The following RAD18 variants were observed in gnomAD, a reference collection of about 807,000 sequenced individuals.
RAD18 encodes E3 ubiquitin-protein ligase RAD18.
In RAD18, 47 loss-of-function variants were observed where a neutral mutation model predicts 60.4. The ratio of observed to expected loss-of-function variants is 0.78; its 90% CI spans 0.62 to 0.99. The LOEUF (loss-of-function observed/expected upper bound fraction) is 0.99, where lower values mean the gene tolerates loss of function less well. Ranked by LOEUF, RAD18 falls within the 50% of genes least tolerant of loss-of-function variation. The pLI, the probability that RAD18 is intolerant of heterozygous loss-of-function variation, is 0.00. For missense variants in RAD18, 640 were observed against 593.3 expected (o/e 1.08, Z -0.82); for synonymous variants, 225 against 195.5 (o/e 1.15, Z -1.26).
chr3:8,957,364 T>C (rs888219746), intron 2 of RAD18, among the ~76,000 whole-genome samples: 3 of 151,592 alleles, frequency 2.0e-5, no homozygotes, highest in Non-Finnish European at 4.4e-5. Context: ...GCAACGATCC[T>C]AAAAAAAACG....
chr3:8,947,096 C>T, intron 4 of RAD18, 124 bp downstream of exon 4: 1 of 731,340 alleles, frequency 1.4e-6, no homozygotes, highest in Non-Finnish European at 2.3e-6. Flanking sequence ...ATGACTGTTA[C>T]TTCCCTTCTT....
At position 8,959,016 on chromosome 3, in the gene RAD18, T is replaced by G. The variant is rs780154881; in HGVS notation, c.52-15A>C. On this transcript the variant is annotated splice_polypyrimidine_tract_variant and intron_variant, in intron 1 of 12. Transcript: ENST00000264926. ...TCATCTATTGTCTGAAATGCAAATA[T>G]GCATATATACATATCAGAAAGACAT... 1 of 1,605,912 alleles carries G rather than the reference T, an allele frequency of 6.2e-7. No individual in the cohort carries two copies. The highest frequency in any genetic ancestry group is 1.7e-5 in the Admixed American group (1 of 59,974).
chr3:8,949,879 G>A (rs1006433190), intron 2 of RAD18, among the ~76,000 whole-genome samples: 1 of 152,194 alleles, frequency 6.6e-6, no homozygotes, highest in African/African-American at 2.4e-5. Context: ...GCATGGAGAG[G>A]ATGTCCTCAC....
At chr3:8,943,431 T>C (rs992190030) in intron 4 of RAD18, among the ~76,000 whole-genome samples, 2 of 151,744 alleles carry the variant, frequency 1.3e-5, no homozygotes, top group African/African-American at 2.4e-5. Context: ...CAAAATACCA[T>C]ATCTAAATTG....
In RAD18 at chr3:8,950,097, C is replaced by A. The variant is rs192402603; in HGVS notation, c.134-1527G>T. 3.1e-3 allele frequency among the ~76,000 whole-genome samples: 469 copies of A among 152,244 alleles called. 5 individuals are homozygous for A. The highest frequency in any genetic ancestry group is 0.011 in the African/African-American group (459 of 41,534). ...CCAGGCTGGAGTACAGTGGCGCAAT[C>A]TCGGCTCAATGCAACCTCCGCCTCC... On this transcript the variant is annotated intron_variant, in intron 2 of 12. Transcript: ENST00000264926.
chr3:8,910,549 A>G (rs897782804), intron 9 of RAD18, among the ~76,000 whole-genome samples: 1 of 151,986 alleles, frequency 6.6e-6, no homozygotes, highest in Non-Finnish European at 1.5e-5. Flanking sequence ...CAGAGCTTGC[A>G]GTGAGCCAAG....
chr3:8,941,105 AGAACAGTGAGGAGGCATTCAAGT>A (rs1221539867), intron 5 of RAD18, among the ~76,000 whole-genome samples: 2 of 152,208 alleles, frequency 1.3e-5, no homozygotes, highest in African/African-American at 4.8e-5. Context: ...TATGGCAGGC[AGAACAGTGAGGAGGCATTCAAGT>A]GGTGGTAAAA....
intron 10 of RAD18, among the ~76,000 whole-genome samples, 182 bp downstream of exon 10, chr3:8,902,198 A>G (rs1421402537): frequency 6.6e-6 from 1 of 152,250 alleles, no homozygotes; most frequent in African/African-American, 2.4e-5. Context: ...ACATTCTTCC[A>G]ACCACTTTCC....
chr3:8,923,159 A>G (rs1480718842), intron 7 of RAD18, among the ~76,000 whole-genome samples: 1 of 152,164 alleles, frequency 6.6e-6, no homozygotes, highest in South Asian at 2.1e-4. Context: ...GAAGTTAAGA[A>G]CCTTGAAAAA....
intron 8 of RAD18, 61 bp from the exon 9 acceptor site, chr3:8,912,433 T>C: frequency 1.7e-6 from 2 of 1,164,502 alleles, no homozygotes; most frequent in South Asian, 2.9e-5. Context: ...AAGGGAAATA[T>C]TACAAACCTT....
At chr3:8,890,523 G>T in intron 11 of RAD18, 72 bp from the exon 12 acceptor site, 1 of 1,217,322 alleles carries the variant, frequency 8.2e-7, no homozygotes, top group South Asian at 1.3e-5. Flanking sequence ...TAAAATTCTA[G>T]AAAAAAACAA....
At chr3:8,897,349 A>C (rs1481913605) in intron 11 of RAD18, among the ~76,000 whole-genome samples, 1 of 152,232 alleles carries the variant, frequency 6.6e-6, no homozygotes, top group East Asian at 1.9e-4. Flanking sequence ...AAGACAAGGA[A>C]CATCCCCAAA....
intron 12 of RAD18, among the ~76,000 whole-genome samples, chr3:8,883,359 G>A (rs1939506071): frequency 6.6e-6 from 1 of 152,294 alleles, no homozygotes; most frequent in East Asian, 1.9e-4. Flanking sequence ...ATTTGTTGTT[G>A]TTGCTGTTTG....
At chr3:8,935,730 C>G (rs1940637594) in intron 7 of RAD18, 141 bp downstream of exon 7, 1 of 770,082 alleles carries the variant, frequency 1.3e-6, no homozygotes, top group African/African-American at 1.8e-5. Flanking sequence ...ACTCTAGGTA[C>G]CTTTTGAAGG....
rs1367394702 is a variant in RAD18, at chr3:8,890,179, T to G, written c.1385+210A>C. On this transcript the variant is annotated intron_variant, in intron 12 of 12. Transcript: ENST00000264926. ...AATTTATCCATACAGAAATAACATC[T>G]GATACATAACTACAGTTATTACATA... 5.4e-6 allele frequency: 3 copies of G among 553,292 alleles called. No individual in the cohort carries two copies. The Admixed American group carries it at 9.2e-5, about 17-fold the overall frequency. The allele number at this position is 553,292 out of a possible 1,614,324, so 34.3% of individuals were successfully genotyped here.
rs1255099948 is a variant in RAD18, at chr3:8,881,343, A to G, written c.*14T>C. The stretch of plus-strand genomic sequence containing the variant: ...TTCTAATCAATGCATTTGAAAAGTC[A>G]GCAAAAGCCCACATTAATTCCTATT... On this transcript the variant is annotated 3_prime_UTR_variant, in exon 13 of 13. Transcript: ENST00000264926. The G allele has an allele frequency of 6.4e-7, 1 of 1,571,520 alleles. No homozygotes were observed. The highest frequency in any genetic ancestry group is 1.7e-5 in the Admixed American group (1 of 58,748).
chr3:8,958,884 G>A (rs750443702), intron 2 of RAD18, 36 bp downstream of exon 2: 6 of 1,527,424 alleles, frequency 3.9e-6, no homozygotes, highest in African/African-American at 2.7e-5. Context: ...TGTAAAAATC[G>A]CAATTTACTA....
chr3:8,914,658 T>C (rs1419706823), intron 7 of RAD18, among the ~76,000 whole-genome samples: 4 of 152,204 alleles, frequency 2.6e-5, no homozygotes. Flanking sequence ...GCCTCCTTGA[T>C]ATTGTAAAAT....
At chr3:8,953,307 T>C (rs1940956917) in intron 2 of RAD18, among the ~76,000 whole-genome samples, 1 of 152,040 alleles carries the variant, frequency 6.6e-6, no homozygotes, top group African/African-American at 2.4e-5. Flanking sequence ...TAAGGTCACA[T>C]GTACCTTTTA....
Sources: gnomAD v4.1 joint callset for allele counts (sites outside exome capture counted in the v4.1 genomes callset) on GRCh38, gnomAD v4.1.1 for gene constraint, MANE v1.5 for transcripts, NCBI Gene and HGNC (gene_info 2026-07-23, HGNC 2026-07-21) for gene names.